CDH13: variants seen among roughly 807,000 people sequenced by gnomAD.
CDH13 encodes cadherin-13.
Under a neutral mutation model 63.8 loss-of-function variants are expected in CDH13, and 24 were observed. The ratio of observed to expected loss-of-function variants is 0.38; its 90% CI spans 0.27 to 0.53. CDH13 has a LOEUF of 0.53. Ranked by LOEUF, CDH13 falls within the 20% of genes least tolerant of loss-of-function variation. CDH13 has a pLI of 0.85. For missense variants in CDH13, 1,049 were observed against 903.1 expected, an observed-to-expected ratio of 1.16 and a Z score of -2.07; for synonymous variants, 503 against 355.3, an observed-to-expected ratio of 1.42 and a Z score of -4.67.
intron 6 of CDH13, among the ~76,000 whole-genome samples, chr16:83,417,949 C>T (rs541245450): frequency 1.2e-4 from 18 of 152,162 alleles, no homozygotes; most frequent in South Asian, 1.0e-3. Context: ...TCCTCCCCAC[C>T]CCCTTAACAT....
intron 1 of CDH13, among the ~76,000 whole-genome samples, chr16:82,765,437 A>G (rs8056117): frequency 0.011 from 1,651 of 152,166 alleles, 28 homozygotes; most frequent in African/African-American, 0.038. Context: ...TACTCCTTCT[A>G]TTTTAACTGT....
At chr16:83,531,750 G>A (rs566833440) in intron 7 of CDH13, among the ~76,000 whole-genome samples, 13 of 152,214 alleles carry the variant, frequency 8.5e-5, no homozygotes, top group Middle Eastern at 3.4e-3. Context: ...ATTCTCTCCC[G>A]GAGCCTTTGG....
At chr16:83,749,711 T>C (rs1217450256) in intron 11 of CDH13, among the ~76,000 whole-genome samples, 1 of 152,132 alleles carries the variant, frequency 6.6e-6, no homozygotes. Flanking sequence ...GGATGAATAA[T>C]ACATGGTCCT....
intron 3 of CDH13, among the ~76,000 whole-genome samples, chr16:83,034,853 C>G (rs1469859743): frequency 6.6e-6 from 1 of 152,114 alleles, no homozygotes; most frequent in Non-Finnish European, 1.5e-5. Context: ...CATCCAGAGA[C>G]AAAGCTCCCC....
chr16:82,654,130 A>C (rs988943418), intron 1 of CDH13, among the ~76,000 whole-genome samples: 2 of 152,122 alleles, frequency 1.3e-5, no homozygotes, highest in Non-Finnish European at 2.9e-5. Context: ...CCTACACTGC[A>C]CCAGCCAGTG....
intron 8 of CDH13, among the ~76,000 whole-genome samples, chr16:83,623,960 A>G (rs928821457): frequency 6.6e-6 from 1 of 152,228 alleles, no homozygotes; most frequent in African/African-American, 2.4e-5. Context: ...TGTTAGGAAC[A>G]GAAATCCACT....
At chr16:82,646,779 A>T (rs1289905812) in intron 1 of CDH13, among the ~76,000 whole-genome samples, 1 of 152,180 alleles carries the variant, frequency 6.6e-6, no homozygotes, top group African/African-American at 2.4e-5. Flanking sequence ...AGTAATGATC[A>T]AGATGATAGA....
intron 5 of CDH13, among the ~76,000 whole-genome samples, chr16:83,259,527 A>C (rs1379799141): frequency 6.6e-6 from 1 of 152,174 alleles, no homozygotes; most frequent in Non-Finnish European, 1.5e-5. Flanking sequence ...ATTATGTTAC[A>C]AATGCATCCA....
intron 7 of CDH13, among the ~76,000 whole-genome samples, chr16:83,567,852 C>A (rs895866923): frequency 6.6e-6 from 1 of 152,184 alleles, no homozygotes; most frequent in Non-Finnish European, 1.5e-5. Flanking sequence ...GCCTCGGCCT[C>A]CCAAAGTGCT....
Position 82,830,144 on chromosome 16 carries a change from G to T in CDH13, c.46-28218G>T, listed in dbSNP as rs201098732. Among the ~76,000 whole-genome samples, 3 of 152,252 alleles carry T rather than the reference G, an allele frequency of 2.0e-5. No individual in the cohort carries two copies. In the East Asian group the frequency reaches 5.8e-4, roughly 29 times the overall value. On this transcript the variant is annotated intron_variant, in intron 1 of 13. Coordinates refer to ENST00000567109, the MANE Select transcript of CDH13 (RefSeq NM_001257.5). ...TTTTTGAAAGCTGAATGGTGGCAGG[G>T]CTGGGATCCATAGCCCATTCTGTCC...
intron 1 of CDH13, among the ~76,000 whole-genome samples, chr16:82,816,926 C>G (rs1277980652): frequency 1.3e-5 from 2 of 151,894 alleles, no homozygotes; most frequent in Non-Finnish European, 2.9e-5. Flanking sequence ...TAAGGACATT[C>G]AGGAGCGGAC....
intron 1 of CDH13, among the ~76,000 whole-genome samples, chr16:82,746,164 A>G (rs2034155911): frequency 7.4e-6 from 1 of 135,996 alleles, no homozygotes; most frequent in South Asian, 2.2e-4. Flanking sequence ...TACTATATAC[A>G]TACTATATAT....
At chr16:83,500,193 C>T in intron 7 of CDH13, among the ~76,000 whole-genome samples, 1 of 151,538 alleles carries the variant, frequency 6.6e-6, no homozygotes, top group Non-Finnish European at 1.5e-5. Flanking sequence ...GGTCAAGCAA[C>T]ACTATCACAT....
intron 5 of CDH13, among the ~76,000 whole-genome samples, chr16:83,289,174 C>T (rs556539579): frequency 6.6e-6 from 1 of 151,524 alleles, no homozygotes; most frequent in Non-Finnish European, 1.5e-5. Flanking sequence ...GAAGAATTCA[C>T]TGTCTGCATA....
chr16:83,159,262 A>G (rs2037346639), intron 4 of CDH13, among the ~76,000 whole-genome samples: 1 of 152,028 alleles, frequency 6.6e-6, no homozygotes, highest in African/African-American at 2.4e-5. Flanking sequence ...AATTCCTGTG[A>G]CTCTAGTTGA....
chr16:82,673,628 A>G (rs1442505928), intron 1 of CDH13, among the ~76,000 whole-genome samples: 3 of 152,252 alleles, frequency 2.0e-5, no homozygotes, highest in South Asian at 4.1e-4. Flanking sequence ...AAAGGTTTTC[A>G]TTTCTGAGAT....
intron 5 of CDH13, among the ~76,000 whole-genome samples, chr16:83,327,277 G>T (rs1392082859): frequency 6.6e-6 from 1 of 152,188 alleles, no homozygotes; most frequent in Non-Finnish European, 1.5e-5. Context: ...GCACACTTTT[G>T]AGAGTGACAA....
intron 5 of CDH13, among the ~76,000 whole-genome samples, chr16:83,297,946 C>G (rs1368142305): frequency 1.3e-5 from 2 of 150,788 alleles, no homozygotes; most frequent in Non-Finnish European, 2.9e-5. Context: ...CACGGCAGCT[C>G]ACACTTGTAA....
At chr16:83,003,039 C>T (rs2151425450) in intron 2 of CDH13, among the ~76,000 whole-genome samples, 1 of 152,312 alleles carries the variant, frequency 6.6e-6, no homozygotes, top group Non-Finnish European at 1.5e-5. Context: ...ACTGGTCCAG[C>T]ATGACTCAGC....
Sources: gnomAD v4.1 joint callset for allele counts (sites outside exome capture counted in the v4.1 genomes callset) on GRCh38, gnomAD v4.1.1 for gene constraint, MANE v1.5 for transcripts, NCBI Gene and HGNC (gene_info 2026-07-23, HGNC 2026-07-21) for gene names.